Variants in PYHIN1 observed in about 807,000 individuals in gnomAD.
The protein encoded by PYHIN1 is pyrin and HIN domain-containing protein 1.
In PYHIN1, 32 loss-of-function variants were observed where a neutral mutation model predicts 43.7. The ratio of observed to expected loss-of-function variants is 0.73; its 90% CI spans 0.55 to 0.98. PYHIN1 has a LOEUF of 0.98. PYHIN1 is among the 50% of genes least tolerant of loss of function. PYHIN1 has a pLI of 0.00. For missense variants in PYHIN1, 588 were observed against 589.5 expected (o/e 1.00, Z 0.03); for synonymous variants, 205 against 203.1 (o/e 1.01, Z -0.08).
chr1:158,941,384 TGTA>T (rs1438194078), intron 4 of PYHIN1, among the ~76,000 whole-genome samples: 5 of 152,180 alleles, frequency 3.3e-5, no homozygotes. Flanking sequence ...AATGACACTC[TGTA>T]GAGTGTCTGT....
chr1:158,975,239 G>C (rs111637249), intron 8 of PYHIN1, among the ~76,000 whole-genome samples: 1 of 120,286 alleles, frequency 8.3e-6, no homozygotes, highest in Non-Finnish European at 1.9e-5. Flanking sequence ...ATAATACTGT[G>C]TTTGTATTAA....
chr1:158,976,177 G>T (rs1651245625), intron 8 of PYHIN1, among the ~76,000 whole-genome samples: 1 of 152,050 alleles, frequency 6.6e-6, no homozygotes, highest in Non-Finnish European at 1.5e-5. Flanking sequence ...ATATATTCAT[G>T]TGGGATTCTT....
intron 7 of PYHIN1, among the ~76,000 whole-genome samples, chr1:158,952,395 G>A (rs1407092368): frequency 3.3e-5 from 5 of 151,976 alleles, no homozygotes; most frequent in Admixed American, 3.3e-4. Context: ...AAAAAAAATG[G>A]GTTTATGATT....
chr1:158,986,659 C>T, the PYHIN1 span, among the ~76,000 whole-genome samples: 5 of 152,132 alleles, frequency 3.3e-5, no homozygotes, highest in African/African-American at 7.2e-5. Flanking sequence ...CAAACCAGCC[C>T]CACCCTTTGA....
intron 7 of PYHIN1, among the ~76,000 whole-genome samples, chr1:158,954,701 C>G (rs1649807490): frequency 6.7e-6 from 1 of 148,626 alleles, no homozygotes; most frequent in East Asian, 2.0e-4. Flanking sequence ...AACTAACGAG[C>G]AAAATCACCA....
chr1:158,952,767 G>A lies in PYHIN1; in HGVS notation c.1359+7725G>A, dbSNP rs940251516. Among the ~76,000 whole-genome samples the A allele has an allele frequency of 6.0e-5, 9 of 149,102 alleles. No homozygotes were observed. In the South Asian group the frequency reaches 1.2e-3, roughly 21 times the overall value. ...AGGGAGGAGCCAAGATGGCCGAACA[G>A]GAATAGCTCCCGTATACAGCTCCCA... On this transcript the variant is annotated intron_variant, in intron 7 of 8. Transcript: ENST00000368140.
At chr1:158,964,129 A>G (rs1431106668) in intron 7 of PYHIN1, among the ~76,000 whole-genome samples, 1 of 152,198 alleles carries the variant, frequency 6.6e-6, no homozygotes, top group Non-Finnish European at 1.5e-5. Context: ...TAACCTGAGG[A>G]AAAAACCTCA....
chr1:158,932,836 TG>T (rs1025621688), intron 1 of PYHIN1, among the ~76,000 whole-genome samples: 1 of 152,168 alleles, frequency 6.6e-6, no homozygotes, highest in African/African-American at 2.4e-5. Flanking sequence ...ATTTTTCTAG[TG>T]GCAATGTATA....
chr1:158,980,175 T>C (rs187641713), downstream of PYHIN1, among the ~76,000 whole-genome samples: 1 of 152,206 alleles, frequency 6.6e-6, no homozygotes, highest in Non-Finnish European at 1.5e-5. Flanking sequence ...AATACTTTTA[T>C]AATTTCTTAT....
At position 158,944,935 on chromosome 1, in the gene PYHIN1, C is replaced by T; in HGVS notation, c.1252C>T (p.Gln418Ter). 1 of 1,613,754 alleles carries T rather than the reference C, an allele frequency of 6.2e-7. No individual in the cohort carries two copies. Residue 418 changes from glutamine to a stop codon, truncating the protein, a stop_gained, in exon 7 of 9, where the codon CAG (glutamine) becomes TAG (stop). Transcript: ENST00000368140. LOFTEE classifies it high-confidence loss of function. ...CAGGAGCATGGCACTACCCCAGGAACAGAGTCAGCATCCAAAACCTTCAGA... is the reference window on the plus strand; with the variant it reads ...CAGGAGCATGGCACTACCCCAGGAATAGAGTCAGCATCCAAAACCTTCAGA... ...DSRSMALPQEQSQHPKPSEAS... is the reference protein window; with the variant it reads ...DSRSMALPQE
intron 7 of PYHIN1, among the ~76,000 whole-genome samples, chr1:158,967,066 A>C (rs1332300558): frequency 6.6e-6 from 1 of 152,112 alleles, no homozygotes; most frequent in African/African-American, 2.4e-5. Context: ...CTATAAACCA[A>C]CAACATCCAA....
intron 7 of PYHIN1, among the ~76,000 whole-genome samples, chr1:158,956,073 T>C (rs1349685350): frequency 6.8e-6 from 1 of 146,150 alleles, no homozygotes; most frequent in South Asian, 2.1e-4. Context: ...AATGTCTGAA[T>C]AGACCAATAA....
downstream of PYHIN1, among the ~76,000 whole-genome samples, chr1:158,978,918 G>C (rs142999438): frequency 2.6e-5 from 4 of 152,244 alleles, no homozygotes; most frequent in East Asian, 7.7e-4. Flanking sequence ...CCCTAACTTT[G>C]AAATGTGTGA....
At chr1:158,955,055 T>C (rs1426670262) in intron 7 of PYHIN1, among the ~76,000 whole-genome samples, 1 of 151,948 alleles carries the variant, frequency 6.6e-6, no homozygotes, top group Non-Finnish European at 1.5e-5. Context: ...GAGCTAACTA[T>C]CCTAAATATA....
intron 2 of PYHIN1, 23 bp from the exon 3 acceptor site, chr1:158,938,374 C>T (rs770166039): frequency 3.1e-6 from 5 of 1,613,628 alleles, no homozygotes; most frequent in South Asian, 2.2e-5. Context: ...TGGGTTTATA[C>T]ATCTTCCTTT....
downstream of PYHIN1, among the ~76,000 whole-genome samples, chr1:158,978,218 A>G (rs1651360441): frequency 6.6e-6 from 1 of 152,074 alleles, no homozygotes; most frequent in South Asian, 2.1e-4. Flanking sequence ...GTTTTTTCAG[A>G]CATTCTTTAT....
At position 158,973,779 on chromosome 1, in the gene PYHIN1, C is replaced by T; in HGVS notation, c.*5+8C>T. On this transcript the variant is annotated splice_region_variant and intron_variant, in intron 8 of 8. Transcript: ENST00000368140. ...AGCAGTTCCTTAAATAAGGTACCAC[C>T]TTTCTATTTGCATTGCTGTACCTCT... is the stretch of plus-strand genomic sequence containing the variant. The T allele has an allele frequency of 6.2e-7, 1 of 1,612,544 alleles. No individual in the cohort carries two copies. The highest frequency in any genetic ancestry group is 2.2e-5 in the East Asian group (1 of 44,842).
At chr1:158,966,073 A>G (rs934177557) in intron 7 of PYHIN1, among the ~76,000 whole-genome samples, 35 of 152,236 alleles carry the variant, frequency 2.3e-4, no homozygotes, top group African/African-American at 8.4e-4. Context: ...AAATACAACA[A>G]TCCTTCAGAG....
the PYHIN1 span, among the ~76,000 whole-genome samples, chr1:158,982,292 T>A: frequency 1.3e-5 from 2 of 152,082 alleles, no homozygotes; most frequent in Non-Finnish European, 2.9e-5. Flanking sequence ...AAGTTTTTTT[T>A]AACTTTATAT....
Sources: allele counts gnomAD v4.1 joint callset (sites outside exome capture counted in the v4.1 genomes callset), GRCh38; gene constraint gnomAD v4.1.1; transcripts MANE v1.5; gene names NCBI Gene and HGNC (gene_info 2026-07-23, HGNC 2026-07-21).